The following FRMD4A variants were observed in gnomAD, a reference collection of about 807,000 sequenced individuals.
The protein encoded by FRMD4A is FERM domain-containing protein 4A.
In FRMD4A, 29 loss-of-function variants were observed where a neutral mutation model predicts 129.1. The ratio of observed to expected loss-of-function variants is 0.22; its 90% CI spans 0.17 to 0.31. FRMD4A has a LOEUF of 0.31. Ranked by LOEUF, FRMD4A falls within the 10% of genes least tolerant of loss-of-function variation. The pLI, the probability that FRMD4A is intolerant of heterozygous loss-of-function variation, is 1.00. For missense variants in FRMD4A, 1,272 were observed against 1,375.8 expected (o/e 0.92, Z 1.19); for synonymous variants, 634 against 571.6 (o/e 1.11, Z -1.56).
intron 2 of FRMD4A, among the ~76,000 whole-genome samples, chr10:13,871,670 C>A (rs1169767170): frequency 6.6e-6 from 1 of 152,226 alleles, no homozygotes; most frequent in Non-Finnish European, 1.5e-5. Flanking sequence ...CTTCTCCAGA[C>A]CTGGCCTGCA....
At chr10:14,297,957 G>T (rs1846062618) in intron 2 of FRMD4A, among the ~76,000 whole-genome samples, 1 of 152,130 alleles carries the variant, frequency 6.6e-6, no homozygotes, top group African/African-American at 2.4e-5. Context: ...TATCTCTCTG[G>T]GTTTTCTCAG....
chr10:14,220,830 G>GTT (rs1385235377), intron 2 of FRMD4A, among the ~76,000 whole-genome samples: 4 of 151,344 alleles, frequency 2.6e-5, no homozygotes, highest in African/African-American at 9.7e-5. Flanking sequence ...GTGTGTGTGT[G>GTT]TGTGTGTGTT....
intron 3 of FRMD4A, among the ~76,000 whole-genome samples, chr10:13,813,361 A>C (rs1232583900): frequency 6.6e-6 from 1 of 152,156 alleles, no homozygotes; most frequent in Non-Finnish European, 1.5e-5. Context: ...AGAGCTCTTG[A>C]ACCTGGGAGG....
chr10:13,679,474 T>TATATATACACACAC (rs1308155926), intron 15 of FRMD4A, among the ~76,000 whole-genome samples: 10 of 31,478 alleles, frequency 3.2e-4, no homozygotes, highest in African/African-American at 5.4e-4. Context: ...TATATATATA[T>TATATATACACACAC]ACACACACAC....
At chr10:14,213,481 C>A (rs115919524) in intron 2 of FRMD4A, among the ~76,000 whole-genome samples, 1 of 152,084 alleles carries the variant, frequency 6.6e-6, no homozygotes, top group African/African-American at 2.4e-5. Context: ...TCAGTAAAGC[C>A]GGTATTCAAG....
chr10:14,018,141 G>C (rs1484782405), intron 2 of FRMD4A, among the ~76,000 whole-genome samples: 1 of 151,968 alleles, frequency 6.6e-6, no homozygotes, highest in African/African-American at 2.4e-5. Context: ...TGAGAACAAG[G>C]GTGGTAAGAA....
chr10:13,671,244 A>C (rs1410039015), intron 16 of FRMD4A, among the ~76,000 whole-genome samples: 1 of 152,208 alleles, frequency 6.6e-6, no homozygotes, highest in African/African-American at 2.4e-5. Flanking sequence ...TCTTGAGATC[A>C]GGAGTCCGAG....
chr10:13,914,852 C>T (rs1375113108), intron 2 of FRMD4A, among the ~76,000 whole-genome samples: 1 of 151,902 alleles, frequency 6.6e-6, no homozygotes, highest in Non-Finnish European at 1.5e-5. Context: ...CCCATCTCTA[C>T]AAAAAATAAA....
chr10:14,017,727 C>T (rs1013269571), intron 2 of FRMD4A, among the ~76,000 whole-genome samples: 2 of 152,184 alleles, frequency 1.3e-5, no homozygotes, highest in African/African-American at 4.8e-5. Context: ...TGCCCAGGGA[C>T]ATATCACTCC....
intron 12 of FRMD4A, among the ~76,000 whole-genome samples, chr10:13,720,192 G>A (rs1489084393): frequency 1.3e-5 from 2 of 152,164 alleles, no homozygotes; most frequent in African/African-American, 2.4e-5. Flanking sequence ...CAGACTACAG[G>A]TGCGCGCCAG....
intron 17 of FRMD4A, among the ~76,000 whole-genome samples, chr10:13,669,820 C>A (rs1344680482): frequency 6.6e-6 from 1 of 152,172 alleles, no homozygotes; most frequent in African/African-American, 2.4e-5. Context: ...AAGTCTCCAG[C>A]CCCATCTTCA....
chr10:13,870,073 G>C (rs1409170246), intron 2 of FRMD4A, among the ~76,000 whole-genome samples: 1 of 152,192 alleles, frequency 6.6e-6, no homozygotes, highest in Non-Finnish European at 1.5e-5. Flanking sequence ...ACAAAGGAAA[G>C]GGAGCTGGGA....
At chr10:14,124,704 CAA>C (rs1210749336) in intron 2 of FRMD4A, among the ~76,000 whole-genome samples, 2 of 151,754 alleles carry the variant, frequency 1.3e-5, no homozygotes, top group African/African-American at 4.9e-5. Context: ...AACAACAAAA[CAA>C]AACAAAAATA....
chr10:14,122,444 A>G (rs1005223209), intron 2 of FRMD4A, among the ~76,000 whole-genome samples: 2 of 152,132 alleles, frequency 1.3e-5, no homozygotes. Flanking sequence ...TAATTTATAA[A>G]GAAAAGAGGT....
intron 2 of FRMD4A, among the ~76,000 whole-genome samples, chr10:14,035,303 T>C (rs1179250189): frequency 4.0e-5 from 6 of 151,740 alleles, no homozygotes; most frequent in Admixed American, 3.3e-4. Flanking sequence ...TCCCAGGTAC[T>C]CAGGAGGCTG....
chr10:14,134,792 G>A (rs897895399), intron 2 of FRMD4A, among the ~76,000 whole-genome samples: 1 of 152,194 alleles, frequency 6.6e-6, no homozygotes, highest in Non-Finnish European at 1.5e-5. Context: ...GTTGGGAGGT[G>A]TGGAGACCCA....
rs1238964171 is a variant in FRMD4A at position 14,201,689 on chromosome 10, C to G, written c.45+128369G>C. Among the ~76,000 whole-genome samples, 6 of 152,174 alleles carry G rather than the reference C, an allele frequency of 3.9e-5. No individual in the cohort carries two copies. In the South Asian group the frequency reaches 8.3e-4, roughly 21 times the overall value. The stretch of plus-strand genomic sequence containing the variant: ...GTTGCCAAACCCAACCTTCAAAATG[C>G]CTCTCTGAGAAGCCAGGGAGACCTG... On this transcript the variant is annotated intron_variant, in intron 2 of 24. Coordinates refer to ENST00000357447, the MANE Select transcript of FRMD4A (RefSeq NM_018027.5).
At chr10:13,962,780 C>CA (rs1173145123) in intron 2 of FRMD4A, among the ~76,000 whole-genome samples, 1 of 152,178 alleles carries the variant, frequency 6.6e-6, no homozygotes, top group Non-Finnish European at 1.5e-5. Flanking sequence ...GGTAGATTAG[C>CA]ATATGGCGGG....
chr10:14,123,833 T>C (rs925194418), intron 2 of FRMD4A, among the ~76,000 whole-genome samples: 8 of 152,222 alleles, frequency 5.3e-5, no homozygotes, highest in African/African-American at 1.9e-4. Context: ...CCGTGGTCAC[T>C]TAAGCTTGCT....
Sources: gnomAD v4.1 joint callset for allele counts (sites outside exome capture counted in the v4.1 genomes callset) on GRCh38, gnomAD v4.1.1 for gene constraint, MANE v1.5 for transcripts, NCBI Gene and HGNC (gene_info 2026-07-23, HGNC 2026-07-21) for gene names.